Variants in CAMTA1 observed in about 807,000 individuals in gnomAD.
The protein encoded by CAMTA1 is calmodulin binding transcription activator 1, also known as calmodulin-binding transcription activator 1.
In CAMTA1, 27 loss-of-function variants were observed where a neutral mutation model predicts 170.9. The ratio of observed to expected loss-of-function variants is 0.16; its 90% CI spans 0.12 to 0.22. CAMTA1 has a LOEUF of 0.22. Among genes scored for constraint, CAMTA1 ranks in the 10% least tolerant of loss-of-function variants. CAMTA1 has a pLI of 1.00. For missense variants in CAMTA1, 1,619 were observed against 2,217.2 expected, an observed-to-expected ratio of 0.73 and a Z score of 5.42; for synonymous variants, 833 against 891.5, an observed-to-expected ratio of 0.93 and a Z score of 1.17.
intron 6 of CAMTA1, among the ~76,000 whole-genome samples, chr1:7,542,966 G>A (rs1488726770): frequency 6.6e-6 from 1 of 151,318 alleles, no homozygotes; most frequent in African/African-American, 2.4e-5. Context: ...CCGCATTCAC[G>A]CCATTCTCCT....
At chr1:7,765,873 G>C (rs1427498273) in intron 22 of CAMTA1, among the ~76,000 whole-genome samples, 1 of 151,722 alleles carries the variant, frequency 6.6e-6, no homozygotes, top group African/African-American at 2.4e-5. Flanking sequence ...AAAAAATACA[G>C]AAAATTAGCC....
At chr1:7,696,440 C>T (rs1328267227) in intron 11 of CAMTA1, among the ~76,000 whole-genome samples, 1 of 151,286 alleles carries the variant, frequency 6.6e-6, no homozygotes, top group Admixed American at 6.6e-5. Context: ...GTGATCCTCC[C>T]TCCTCAGCCT....
chr1:7,708,694 G>A (rs865866849), intron 11 of CAMTA1, among the ~76,000 whole-genome samples: 36 of 152,110 alleles, frequency 2.4e-4, no homozygotes, highest in Middle Eastern at 3.2e-3. Context: ...GGAGAGACTG[G>A]TCAGCTCATC....
chr1:6,969,418 C>T (rs1692151638), intron 3 of CAMTA1, among the ~76,000 whole-genome samples: 1 of 152,194 alleles, frequency 6.6e-6, no homozygotes, highest in Admixed American at 6.5e-5. Flanking sequence ...TCCTGGGCTC[C>T]AGCCGTTGGA....
intron 3 of CAMTA1, among the ~76,000 whole-genome samples, chr1:7,078,697 G>GT (rs1639633622): frequency 6.6e-6 from 1 of 152,228 alleles, no homozygotes; most frequent in Non-Finnish European, 1.5e-5. Context: ...GATAAAACCT[G>GT]TGAAATAAAT....
In CAMTA1 at chr1:7,482,842, C is replaced by T. The variant is rs752029366; in HGVS notation, c.510+14941C>T. Among the ~76,000 whole-genome samples the T allele has an allele frequency of 9.2e-5, 14 of 152,190 alleles. No homozygotes were observed. The highest frequency in any genetic ancestry group is 1.9e-4 in the Non-Finnish European group (13 of 68,038). On this transcript the variant is annotated intron_variant, in intron 6 of 22. Transcript: ENST00000303635. This position sits in a 1 kb window ranked among gnomAD's most constrained non-coding sequence, Gnocchi z 4.2. ...CAGCAGAGGAGGTGGCATTGGGGTG[C>T]AGGCGTCTCCTGTGGAAAGTCCCCA...
In CAMTA1 at chr1:7,234,786, A is replaced by AT; in HGVS notation, c.303-14705_303-14704insT. 9.4e-6 allele frequency among the ~76,000 whole-genome samples: 1 copy of AT among 105,834 alleles called. No individual in the cohort carries two copies. The highest frequency in any genetic ancestry group is 2.9e-4 in the East Asian group (1 of 3,428). The allele number at this position is 105,834 out of a possible 152,430, so 69.4% of individuals were successfully genotyped here. A position where few individuals can be genotyped will look rare whatever the true frequency, so the allele number is the denominator to read the frequency against. ...TTGGGAAATTGGAAAATACAAGTTGACCTTTTTTTTTTTTTTTTTAGATAG... is the reference window on the plus strand; with the variant it reads ...TTGGGAAATTGGAAAATACAAGTTGATCCTTTTTTTTTTTTTTTTTAGATAG... On this transcript the variant is annotated intron_variant, in intron 4 of 22. Coordinates refer to ENST00000303635, the MANE Select transcript of CAMTA1 (RefSeq NM_015215.4). The surrounding 1 kb of genome is among the most constrained non-coding windows in gnomAD (Gnocchi z 5.0).
At chr1:7,612,285 G>A (rs1253681111) in intron 6 of CAMTA1, among the ~76,000 whole-genome samples, 5 of 152,172 alleles carry the variant, frequency 3.3e-5, no homozygotes, top group African/African-American at 1.2e-4. Context: ...GATGGAGTGG[G>A]AAGATGATTT....
At chr1:6,900,785 G>A (rs1010867539) in intron 3 of CAMTA1, among the ~76,000 whole-genome samples, 3 of 152,148 alleles carry the variant, frequency 2.0e-5, no homozygotes, top group African/African-American at 4.8e-5. Flanking sequence ...ATTAAGAGAA[G>A]ATCTATATAA....
intron 3 of CAMTA1, among the ~76,000 whole-genome samples, chr1:6,959,855 C>T (rs1242415449): frequency 1.3e-5 from 2 of 152,152 alleles, no homozygotes; most frequent in Admixed American, 1.3e-4. Flanking sequence ...GCATGAATCA[C>T]AGAGTCACTC....
chr1:6,790,869 C>T (rs1322473549), intron 1 of CAMTA1, among the ~76,000 whole-genome samples: 1 of 152,008 alleles, frequency 6.6e-6, no homozygotes, highest in African/African-American at 2.4e-5. Context: ...TGAAATACCC[C>T]TTTTCTTTTT....
chr1:7,558,723 C>T (rs770125426), intron 6 of CAMTA1, among the ~76,000 whole-genome samples: 8 of 152,230 alleles, frequency 5.3e-5, no homozygotes, highest in Non-Finnish European at 7.3e-5. Flanking sequence ...TCCGCCACCC[C>T]CTGTGTCTGC....
At chr1:6,827,868 G>A (rs1647701154) in intron 3 of CAMTA1, among the ~76,000 whole-genome samples, 1 of 152,200 alleles carries the variant, frequency 6.6e-6, no homozygotes, top group African/African-American at 2.4e-5. Context: ...TGTTTTGGAT[G>A]AGGACCACAT....
At chr1:7,623,658 C>A (rs926467314) in intron 6 of CAMTA1, among the ~76,000 whole-genome samples, 2 of 152,232 alleles carry the variant, frequency 1.3e-5, no homozygotes, top group Non-Finnish European at 2.9e-5. Context: ...GCCACCACAC[C>A]CAGCTAATTC....
chr1:7,119,595 G>A (rs941541009), intron 4 of CAMTA1, among the ~76,000 whole-genome samples: 12 of 152,144 alleles, frequency 7.9e-5, no homozygotes, highest in Non-Finnish European at 1.3e-4. Context: ...GTTACTCTGC[G>A]ATCTCTCTTC....
In CAMTA1 at chr1:7,290,679, C is replaced by A. The variant is rs1040738162; in HGVS notation, c.438+41053C>A. Among the ~76,000 whole-genome samples, 9 of 152,152 alleles carry A rather than the reference C, an allele frequency of 5.9e-5. No homozygotes were observed. The South Asian group carries it at 8.3e-4, about 14-fold the overall frequency. On this transcript the variant is annotated intron_variant, in intron 5 of 22. Transcript: ENST00000303635. Reference sequence around the variant, plus strand: ...CTGCTATCTTTAGCTTTACTTGCTGCGACGTAAATTATTCTCATTTTATTA... The same window carrying A: ...CTGCTATCTTTAGCTTTACTTGCTGAGACGTAAATTATTCTCATTTTATTA...
At chr1:7,104,344 C>CA (rs1643360077) in intron 4 of CAMTA1, among the ~76,000 whole-genome samples, 1 of 148,352 alleles carries the variant, frequency 6.7e-6, no homozygotes, top group African/African-American at 2.5e-5. Context: ...TACATGTACA[C>CA]ACATGCATAA....
intron 5 of CAMTA1, among the ~76,000 whole-genome samples, chr1:7,366,807 C>A (rs1159005655): frequency 6.6e-6 from 1 of 152,202 alleles, no homozygotes; most frequent in Non-Finnish European, 1.5e-5. Flanking sequence ...TTCCTGAGCT[C>A]TGTCTGTGGG....
chr1:7,430,313 G>A (rs2092096449), intron 5 of CAMTA1, among the ~76,000 whole-genome samples: 3 of 152,088 alleles, frequency 2.0e-5, no homozygotes, highest in Non-Finnish European at 4.4e-5. Context: ...AGGTGCTGCT[G>A]CTGCTGATGG....
Sources: gnomAD v4.1 joint callset for allele counts (sites outside exome capture counted in the v4.1 genomes callset) on GRCh38, gnomAD v4.1.1 for gene constraint, Gnocchi (gnomAD v3.1) non-coding constraint, MANE v1.5 for transcripts, NCBI Gene and HGNC (gene_info 2026-07-23, HGNC 2026-07-21) for gene names.